The following NINL variants were observed in gnomAD, a reference collection of about 807,000 sequenced individuals.
The protein encoded by NINL is ninein like, also known as ninein-like protein.
A neutral mutation model predicts 160.3 loss-of-function variants in NINL; 153 were observed. The observed-to-expected ratio is 0.95, with a 90% CI of 0.84 to 1.09. The LOEUF is 1.09. Among genes scored for constraint, NINL ranks in the 50% least tolerant of loss-of-function variants. The probability of loss-of-function intolerance (pLI) is 0.00; values close to 1 mark genes in which losing one functional copy is unlikely to be tolerated. For synonymous variants in NINL, 800 were observed against 734.8 expected, an observed-to-expected ratio of 1.09 and a Z score of -1.43; for missense variants, 1,829 against 1,764.0, an observed-to-expected ratio of 1.04 and a Z score of -0.66.
chr20:25,470,922 T>C (rs1395037213), intron 17 of NINL, among the ~76,000 whole-genome samples: 1 of 152,232 alleles, frequency 6.6e-6, no homozygotes, highest in Non-Finnish European at 1.5e-5. Flanking sequence ...AAGGCTAACG[T>C]GTATTCCCCA....
At chr20:25,502,055 C>T (rs1339119216) in intron 7 of NINL, among the ~76,000 whole-genome samples, 4 of 152,198 alleles carry the variant, frequency 2.6e-5, no homozygotes, top group African/African-American at 9.7e-5. Flanking sequence ...GATCTCAGCT[C>T]ACTGAAACTT....
intron 1 of NINL, among the ~76,000 whole-genome samples, chr20:25,552,251 G>C (rs2064814227): frequency 1.3e-5 from 2 of 151,422 alleles, no homozygotes; most frequent in African/African-American, 4.9e-5. Context: ...TCTACTAAAA[G>C]AGCTGGGCAT....
Position 25,573,431 on chromosome 20 carries a change from A to G in NINL, c.-12+12024T>C, listed in dbSNP as rs551242269. Among the ~76,000 whole-genome samples the G allele has an allele frequency of 1.9e-4, 29 of 152,332 alleles. No individual in the cohort carries two copies. The East Asian group carries it at 4.6e-3, about 24-fold the overall frequency. On this transcript the variant is annotated intron_variant, in intron 1 of 23. Transcript: ENST00000278886. Reference sequence around the variant, plus strand: ...CTGAAATTCCAGCCATGCGATTAGGAGCCTAGAGGCATAACACACAACACT... The same window carrying G: ...CTGAAATTCCAGCCATGCGATTAGGGGCCTAGAGGCATAACACACAACACT...
rs192770280 is a variant in NINL at position 25,477,558 on chromosome 20, G to A, written c.2202-469C>T. ...TGGGCCTTGGGACCTCTGGTGGCCC[G>A]CAGGAGAGTCCAGTGGAAGTGAAGT... is the stretch of plus-strand genomic sequence containing the variant. On this transcript the variant is annotated intron_variant, in intron 16 of 23. Coordinates refer to ENST00000278886, the MANE Select transcript of NINL (RefSeq NM_025176.6). 2.1e-3 allele frequency among the ~76,000 whole-genome samples: 325 copies of A among 152,362 alleles called. 1 individual carries two copies. Among genetic ancestry groups the A allele is most frequent in the Middle Eastern group, 0.01 (3 of 294 alleles).
intron 7 of NINL, among the ~76,000 whole-genome samples, chr20:25,503,485 ACCC>A (rs2063906281): frequency 8.0e-6 from 1 of 124,420 alleles, no homozygotes; most frequent in African/African-American, 3.1e-5. Context: ...GCCTCCTGTA[ACCC>A]CAGGAGGTGG....
chr20:25,541,366 C>T (rs1343561024), intron 1 of NINL, among the ~76,000 whole-genome samples: 1 of 152,216 alleles, frequency 6.6e-6, no homozygotes, highest in East Asian at 1.9e-4. Flanking sequence ...TAAATGTTAC[C>T]ATGCCCCATT....
intron 11 of NINL, 51 bp downstream of exon 11, chr20:25,491,300 G>C (rs746935603): frequency 4.5e-6 from 7 of 1,557,082 alleles, no homozygotes; most frequent in Admixed American, 1.7e-5. Context: ...TGGGTGTGGG[G>C]AATGCTCAGG....
intron 1 of NINL, among the ~76,000 whole-genome samples, chr20:25,568,189 G>C (rs2065015391): frequency 6.9e-6 from 1 of 145,732 alleles, no homozygotes; most frequent in Non-Finnish European, 1.5e-5. Flanking sequence ...CTAACGAAGG[G>C]AAAAAAAGAG....
rs151132050 is a variant in NINL at position 25,489,962 on chromosome 20, C to T, written c.1509G>A (p.Glu503=). ...AAAGCTTTTCCACCACTTCCACAATCTCCTTCTGTAGGCGACTGTTTTCCT... is the reference window on the plus strand; with the variant it reads ...AAAGCTTTTCCACCACTTCCACAATTTCCTTCTGTAGGCGACTGTTTTCCT... ...ALKENSRLQK[E]IVEVVEKLSD... is the part of the protein sequence containing the mutation. Residue 503 remains glutamate, a synonymous_variant, in exon 12 of 24, where the codon GAG becomes GAA. Transcript: ENST00000278886. The T allele has an allele frequency of 2.4e-5, 39 of 1,614,200 alleles. No homozygotes were observed. In the African/African-American group the frequency reaches 4.9e-4, roughly 20 times the overall value.
intron 1 of NINL, among the ~76,000 whole-genome samples, chr20:25,561,034 C>CT (rs1251580202): frequency 1.6e-3 from 66 of 42,192 alleles, no homozygotes; most frequent in African/African-American, 3.6e-3. Flanking sequence ...CTCCCTCTCC[C>CT]CTCCTCTCCC....
At chr20:25,565,467 G>T (rs146873707) in intron 1 of NINL, among the ~76,000 whole-genome samples, 1 of 152,098 alleles carries the variant, frequency 6.6e-6, no homozygotes, top group African/African-American at 2.4e-5. Context: ...AGAAACTTCT[G>T]AAGTTCACAG....
chr20:25,475,418 T>TTGA (rs2063206819), intron 17 of NINL, among the ~76,000 whole-genome samples: 2 of 152,204 alleles, frequency 1.3e-5, no homozygotes, highest in Non-Finnish European at 2.9e-5. Flanking sequence ...GAGGCATTAC[T>TTGA]TGATACCAAA....
chr20:25,487,854 T>C (rs959230473), intron 13 of NINL, among the ~76,000 whole-genome samples: 1 of 152,232 alleles, frequency 6.6e-6, no homozygotes, highest in Non-Finnish European at 1.5e-5. Flanking sequence ...GGGCCAGCCA[T>C]CAGCTCGTCT....
rs572913298 is a variant in NINL, at chr20:25,512,973, T to C, written c.311A>G (p.Asn104Ser). The change falls in exon 4 of 24, where the codon AAT becomes AGT. Residue 104 changes from asparagine to serine, a missense_variant. Coordinates refer to ENST00000278886, the MANE Select transcript of NINL (RefSeq NM_025176.6). ...CCGACGGCCATACCACTTAGAACCA[T>C]TCACATACTTTGGAGGGATGGCACT... ...ASSAIPPKYVNGSKWYGRRSR... is the reference protein window; with the variant it reads ...ASSAIPPKYVSGSKWYGRRSR... 6.2e-6 allele frequency: 10 copies of C among 1,607,824 alleles called. No homozygotes were observed. The highest frequency in any genetic ancestry group is 1.6e-4 in the Middle Eastern group (1 of 6,064).
chr20:25,554,182 A>G (rs928121), intron 1 of NINL, among the ~76,000 whole-genome samples: 63,929 of 152,028 alleles, frequency 0.42, 14,319 homozygotes, highest in East Asian at 0.91. Context: ...AGCAGAAGCT[A>G]AACAAGGAGC....
intron 1 of NINL, among the ~76,000 whole-genome samples, chr20:25,553,103 GGTTTTTTT>G (rs971314421): frequency 1.7e-5 from 1 of 58,042 alleles, no homozygotes; most frequent in Non-Finnish European, 3.5e-5. Context: ...ACCCTTGTTG[GGTTTTTTT>G]TTTTTTTTTT....
rs762297693 is a variant in NINL at position 25,476,395 on chromosome 20, C to T, written c.2896G>A (p.Ala966Thr). The change falls in exon 17 of 24, where the codon GCT becomes ACT. Residue 966 changes from alanine to threonine, a missense_variant. Transcript: ENST00000278886. ...RMWEPPLRPA[A>T]SCRGQAERLQ... ...CTCTCAGCCTGTCCCCTGCACGAAGCGGCCGGCCTCAGGGGTGGCTCCCAC... is the reference window on the plus strand; with the variant it reads ...CTCTCAGCCTGTCCCCTGCACGAAGTGGCCGGCCTCAGGGGTGGCTCCCAC... The T allele has an allele frequency of 3.4e-5, 54 of 1,599,986 alleles. 1 individual carries two copies. In the South Asian group the frequency reaches 5.6e-4, roughly 17 times the overall value.
intron 1 of NINL, among the ~76,000 whole-genome samples, chr20:25,576,794 AAG>A (rs1203406851): frequency 2.6e-5 from 4 of 152,208 alleles, no homozygotes; most frequent in African/African-American, 9.6e-5. Context: ...CTACAATGAT[AAG>A]AGTCTTACTT....
chr20:25,554,636 C>CAAAACAAAACAAAAAAAAAAAAAA (rs1195606239), intron 1 of NINL, among the ~76,000 whole-genome samples: 1 of 85,800 alleles, frequency 1.2e-5, no homozygotes, highest in African/African-American at 5.8e-5. Flanking sequence ...AAAAAAAAAA[C>CAAAACAAAACAAAAAAAAAAAAAA]AAAAAAAAAA....
Sources: gnomAD v4.1 joint callset for allele counts (sites outside exome capture counted in the v4.1 genomes callset) on GRCh38, gnomAD v4.1.1 for gene constraint, MANE v1.5 for transcripts, NCBI Gene and HGNC (gene_info 2026-07-23, HGNC 2026-07-21) for gene names.